Variants in PTPN1 observed in about 807,000 individuals in gnomAD.
PTPN1 encodes the protein tyrosine-protein phosphatase non-receptor type 1.
PTPN1 carries 12 observed loss-of-function variants against 59.9 expected under a neutral mutation model. That is an observed-to-expected ratio of 0.20 (90% CI 0.13 to 0.32). PTPN1 has a LOEUF of 0.32. PTPN1 is among the 10% of genes least tolerant of loss of function. The pLI is 1.00. For synonymous variants in PTPN1, 178 were observed against 203.6 expected (o/e 0.87, Z 1.07); for missense variants, 356 against 549.2 (o/e 0.65, Z 3.52).
chr20:50,574,592 TTGATCTCTGA>T lies in PTPN1; in HGVS notation c.431_440del (p.Leu144Ter). ...TGAAGACACAAATTTGAAATTAACA[TTGATCTCTGA>T]AGATATCAAGTCATATTATACAGTG... On this transcript the variant is annotated frameshift_variant, in exon 5 of 10. Coordinates refer to ENST00000371621, the MANE Select transcript of PTPN1 (RefSeq NM_002827.4). LOFTEE classifies it high-confidence loss of function. 6.2e-7 allele frequency: 1 copy of T among 1,609,212 alleles called. No individual in the cohort carries two copies. Among genetic ancestry groups the T allele is most frequent in the Non-Finnish European group, 8.5e-7 (1 of 1,178,388 alleles).
At chr20:50,574,744 T>G (rs759985095) in intron 5 of PTPN1, 90 bp downstream of exon 5, 8 of 1,456,716 alleles carry the variant, frequency 5.5e-6, no homozygotes, top group Non-Finnish European at 7.5e-6. Context: ...CTAATGTCAG[T>G]GTTCCTGGCT....
At chr20:50,579,403 T>G (rs2082854102) in intron 7 of PTPN1, 74 bp downstream of exon 7, 1 of 1,512,472 alleles carries the variant, frequency 6.6e-7, no homozygotes, top group Non-Finnish European at 9.0e-7. Context: ...CTGTCAGTTG[T>G]AAAAGTTCAA....
chr20:50,534,915 G>C (rs143369536), intron 1 of PTPN1, among the ~76,000 whole-genome samples: 13 of 152,060 alleles, frequency 8.5e-5, no homozygotes, highest in Middle Eastern at 6.8e-3. Context: ...ATTTTTTATA[G>C]AGACAGAGTC....
At chr20:50,534,861 G>A (rs2082616901) in intron 1 of PTPN1, among the ~76,000 whole-genome samples, 1 of 151,858 alleles carries the variant, frequency 6.6e-6, no homozygotes, top group Non-Finnish European at 1.5e-5. Flanking sequence ...GAGTAGCTGG[G>A]GCTACAGGCT....
Position 50,521,776 on chromosome 20 carries a change from C to T in PTPN1, c.63+11186C>T, listed in dbSNP as rs1442078437. On this transcript the variant is annotated intron_variant, in intron 1 of 9. Coordinates refer to ENST00000371621, the MANE Select transcript of PTPN1 (RefSeq NM_002827.4). ...GAATCAGGAGAAATGACATGCAACTCTGGATTCTGGCCTCTCTTGAAAAAT... is the reference window on the plus strand; with the variant it reads ...GAATCAGGAGAAATGACATGCAACTTTGGATTCTGGCCTCTCTTGAAAAAT... 3.9e-5 allele frequency among the ~76,000 whole-genome samples: 6 copies of T among 152,220 alleles called. No individual in the cohort carries two copies. In the East Asian group the frequency reaches 1.2e-3, roughly 29 times the overall value.
intron 1 of PTPN1, among the ~76,000 whole-genome samples, chr20:50,556,925 A>C (rs1466958213): frequency 6.6e-6 from 1 of 152,232 alleles, no homozygotes; most frequent in Non-Finnish European, 1.5e-5. Context: ...AATTTTCCAC[A>C]AGATCAGTGA....
chr20:50,547,141 A>G (rs1256732119), intron 1 of PTPN1, among the ~76,000 whole-genome samples: 3 of 152,248 alleles, frequency 2.0e-5, no homozygotes, highest in Non-Finnish European at 4.4e-5. Context: ...AATTCATGAC[A>G]TTTAACAGAA....
At chr20:50,526,205 T>C (rs1421519648) in intron 1 of PTPN1, among the ~76,000 whole-genome samples, 1 of 152,146 alleles carries the variant, frequency 6.6e-6, no homozygotes, top group Non-Finnish European at 1.5e-5. Context: ...AATTGCTTAA[T>C]TGCTTGCCTT....
chr20:50,560,159 T>C (rs2082745637), intron 1 of PTPN1, among the ~76,000 whole-genome samples: 1 of 152,142 alleles, frequency 6.6e-6, no homozygotes, highest in Non-Finnish European at 1.5e-5. Flanking sequence ...TGAGTGTCTC[T>C]TGGGGAAAAG....
At chr20:50,552,839 G>T (rs982458777) in intron 1 of PTPN1, among the ~76,000 whole-genome samples, 4 of 151,826 alleles carry the variant, frequency 2.6e-5, no homozygotes, top group Non-Finnish European at 5.9e-5. Context: ...CATGCCGTGC[G>T]TCCTCCTACC....
intron 4 of PTPN1, chr20:50,573,454 A>AG (rs1189746483): frequency 6.6e-6 from 1 of 152,136 alleles, no homozygotes; most frequent in African/African-American, 2.4e-5. Context: ...GCCCTCCCCC[A>AG]TAGTCCACCT....
In PTPN1 at chr20:50,568,478, G is replaced by C; in HGVS notation, c.354G>C (p.Ser118=). 1.2e-6 allele frequency: 2 copies of C among 1,612,184 alleles called. No homozygotes were observed. Among genetic ancestry groups the C allele is most frequent in the Non-Finnish European group, 1.7e-6 (2 of 1,178,256 alleles). The part of the protein sequence containing the change: ...VMLNRVMEKG[S]LKCAQYWPQK... ...TCAACAGAGTGATGGAGAAAGGTTC[G>C]GTAAGTCTCGGCTTCATTTGCTGTG... The change falls in exon 4 of 10, where the codon TCG becomes TCC. Residue 118 remains serine (S), a splice_region_variant and synonymous_variant. Transcript: ENST00000371621. This position sits in a 1 kb window ranked among gnomAD's most constrained non-coding sequence, Gnocchi z 5.6.
chr20:50,510,737 GT>G, intron 1 of PTPN1, 147 bp downstream of exon 1: 1 of 892,118 alleles, frequency 1.1e-6, no homozygotes, highest in Non-Finnish European at 1.6e-6. Flanking sequence ...GACGCACTGC[GT>G]CCCCCCACCC....
chr20:50,560,706 C>T (rs2082748047), intron 1 of PTPN1, among the ~76,000 whole-genome samples: 1 of 151,244 alleles, frequency 6.6e-6, no homozygotes, highest in African/African-American at 2.4e-5. Context: ...GCAGTAAGTA[C>T]ATTCACGTTG....
intron 1 of PTPN1, among the ~76,000 whole-genome samples, chr20:50,547,658 G>T (rs979092030): frequency 6.6e-6 from 1 of 152,138 alleles, no homozygotes; most frequent in African/African-American, 2.4e-5. Flanking sequence ...CACTGCACCC[G>T]GCCGTGTTAA....
chr20:50,510,671 C>T, intron 1 of PTPN1, 81 bp downstream of exon 1: 2 of 1,411,200 alleles, frequency 1.4e-6, no homozygotes, highest in South Asian at 2.6e-5. Flanking sequence ...CCCCAGACTC[C>T]CTCTGGGTCT....
At chr20:50,544,735 G>A (rs956509482) in intron 1 of PTPN1, among the ~76,000 whole-genome samples, 2 of 152,140 alleles carry the variant, frequency 1.3e-5, no homozygotes, top group Admixed American at 1.3e-4. Context: ...GAAGCAAGGA[G>A]CTGGGGTATT....
At chr20:50,574,938 T>C in intron 5 of PTPN1, 1 of 359,208 alleles carries the variant, frequency 2.8e-6, no homozygotes. Flanking sequence ...CTTGTGCAGC[T>C]GCAGAGGGAC....
chr20:50,510,480 A>C lies in PTPN1; in HGVS notation c.-48A>C, dbSNP rs750024069. ...AGCGCGACGCGGCCTAGAGCGGCAG[A>C]CGGCGCAGTGGGCCGAGAAGGAGGC... On this transcript the variant is annotated 5_prime_UTR_variant, in exon 1 of 10. Coordinates refer to ENST00000371621, the MANE Select transcript of PTPN1 (RefSeq NM_002827.4). The C allele has an allele frequency of 6.5e-7, 1 of 1,543,538 alleles. No individual in the cohort carries two copies. Among genetic ancestry groups the C allele is most frequent in the African/African-American group, 1.4e-5 (1 of 72,648 alleles).
Sources: gnomAD v4.1 joint callset for allele counts (sites outside exome capture counted in the v4.1 genomes callset) on GRCh38, gnomAD v4.1.1 for gene constraint, Gnocchi (gnomAD v3.1) non-coding constraint, MANE v1.5 for transcripts, NCBI Gene and HGNC (gene_info 2026-07-23, HGNC 2026-07-21) for gene names.